Variants in ZCWPW2 observed in about 807,000 individuals in gnomAD.
The protein encoded by ZCWPW2 is zinc finger CW-type and PWWP domain containing 2.
In ZCWPW2, 45 loss-of-function variants were observed where a neutral mutation model predicts 46.6. The ratio of observed to expected loss-of-function variants is 0.96; its 90% CI spans 0.76 to 1.24. The LOEUF (loss-of-function observed/expected upper bound fraction) is 1.24. Among genes scored for constraint, ZCWPW2 ranks in the 50% most tolerant of loss-of-function variants. The probability of loss-of-function intolerance (pLI) is 0.00; values close to 1 mark genes in which losing one functional copy is unlikely to be tolerated. For synonymous variants in ZCWPW2, 152 were observed against 137.1 expected, an observed-to-expected ratio of 1.11 and a Z score of -0.76; for missense variants, 429 against 403.9, an observed-to-expected ratio of 1.06 and a Z score of -0.53.
chr3:28,362,536 C>T (rs1006747436), intron 1 of ZCWPW2, among the ~76,000 whole-genome samples: 2 of 152,090 alleles, frequency 1.3e-5, no homozygotes, highest in African/African-American at 4.8e-5. Context: ...CAATCTCCCA[C>T]CAGTCAGAAT....
intron 2 of ZCWPW2, among the ~76,000 whole-genome samples, chr3:28,405,984 T>C (rs1485667909): frequency 1.3e-5 from 2 of 152,216 alleles, no homozygotes; most frequent in Non-Finnish European, 2.9e-5. Flanking sequence ...ATCCTTGTTA[T>C]AATGTGGCAA....
intron 4 of ZCWPW2, among the ~76,000 whole-genome samples, chr3:28,453,564 T>G (rs1182865922): frequency 6.6e-6 from 1 of 151,958 alleles, no homozygotes. Flanking sequence ...TATTTTCTGT[T>G]AAAGAAAAAA....
At chr3:28,447,704 C>A (rs746633585) in intron 4 of ZCWPW2, 2 of 494,676 alleles carry the variant, frequency 4.0e-6, no homozygotes, top group East Asian at 7.3e-5. Flanking sequence ...CTTCCACGAA[C>A]GTTGTCTAGA....
rs1308951332 is a variant in ZCWPW2 at position 28,525,065 on chromosome 3, C to A, written c.*377C>A. 6.5e-6 allele frequency: 1 copy of A among 152,758 alleles called. No individual in the cohort carries two copies. The highest frequency in any genetic ancestry group is 2.4e-5 in the African/African-American group (1 of 41,406). 9.5% of individuals were successfully genotyped at this position (152,758 alleles called of 1,614,324 possible). A position where few individuals can be genotyped will look rare whatever the true frequency, so the allele number is the denominator to read the frequency against. On this transcript the variant is annotated 3_prime_UTR_variant, in exon 10 of 10. Coordinates refer to ENST00000383768, the MANE Select transcript of ZCWPW2 (RefSeq NM_001040432.4). Reference sequence around the variant, plus strand: ...GCTATTATAATTCTCAGAGGTAATTCAAATCTAATAAACTTAGAGAATGTA... The same window carrying A: ...GCTATTATAATTCTCAGAGGTAATTAAAATCTAATAAACTTAGAGAATGTA...
At chr3:28,451,126 G>A (rs1020129339) in intron 4 of ZCWPW2, among the ~76,000 whole-genome samples, 2 of 152,018 alleles carry the variant, frequency 1.3e-5, no homozygotes, top group African/African-American at 2.4e-5. Context: ...GGATCCTGAG[G>A]GACTGCATTC....
chr3:28,408,566 T>C (rs779692293), intron 2 of ZCWPW2, among the ~76,000 whole-genome samples: 14 of 152,202 alleles, frequency 9.2e-5, no homozygotes, highest in Non-Finnish European at 1.8e-4. Flanking sequence ...ATAATAGTAA[T>C]TGTAAATGAG....
chr3:28,498,893 T>C (rs977435783), intron 6 of ZCWPW2, among the ~76,000 whole-genome samples: 14 of 151,988 alleles, frequency 9.2e-5, no homozygotes, highest in Admixed American at 8.5e-4. Flanking sequence ...TGAGAACATG[T>C]GGTGTTTGGT....
chr3:28,390,486 T>C lies in ZCWPW2; in HGVS notation c.-133-12T>C. On this transcript the variant is annotated splice_polypyrimidine_tract_variant and intron_variant, in intron 1 of 9. Transcript: ENST00000383768. Reference sequence around the variant, plus strand: ...GTTTTAAATTTGCTAGATTGATGTATAACTTCTTCAGATTCATCCCAGTAG... The same window carrying C: ...GTTTTAAATTTGCTAGATTGATGTACAACTTCTTCAGATTCATCCCAGTAG... 1.0e-6 allele frequency: 1 copy of C among 985,328 alleles called. No individual in the cohort carries two copies. The highest frequency in any genetic ancestry group is 1.2e-6 in the Non-Finnish European group (1 of 829,848). The allele number at this position is 985,328 out of a possible 1,614,324, so 61.0% of individuals were successfully genotyped here.
intron 4 of ZCWPW2, among the ~76,000 whole-genome samples, chr3:28,446,755 C>G (rs962791452): frequency 6.9e-6 from 1 of 144,706 alleles, no homozygotes; most frequent in African/African-American, 2.9e-5. Flanking sequence ...ATCAATAAAA[C>G]TGTCAAACCT....
intron 6 of ZCWPW2, among the ~76,000 whole-genome samples, chr3:28,498,853 C>T (rs7427045): frequency 0.42 from 63,070 of 151,640 alleles, 13,357 homozygotes; most frequent in East Asian, 0.61. Context: ...CCTGTGTCCA[C>T]GTGTTCATTG....
At chr3:28,433,558 G>C (rs2125761569) in intron 3 of ZCWPW2, among the ~76,000 whole-genome samples, 1 of 152,256 alleles carries the variant, frequency 6.6e-6, no homozygotes, top group East Asian at 1.9e-4. Context: ...CTTGAGGTCA[G>C]GAGTTCGAGA....
At chr3:28,356,113 G>A (rs1004016874) in intron 1 of ZCWPW2, among the ~76,000 whole-genome samples, 1 of 152,190 alleles carries the variant, frequency 6.6e-6, no homozygotes, top group African/African-American at 2.4e-5. Flanking sequence ...CTGACAAAGG[G>A]CTAATATCCA....
chr3:28,435,244 T>G lies in ZCWPW2; in HGVS notation c.467T>G (p.Val156Gly). 1.2e-6 allele frequency: 2 copies of G among 1,613,020 alleles called. No individual in the cohort carries two copies. Among genetic ancestry groups the G allele is most frequent in the East Asian group, 2.2e-5 (1 of 44,814 alleles). ...HSRSWIKATFVGHYSITLKPE... is the reference protein window; with the variant it reads ...HSRSWIKATFGGHYSITLKPE... ...AGATCATGGATAAAGGCAACATTCG[T>G]TGGACATTATAGTATCACATTAAAG... is the stretch of plus-strand genomic sequence containing the variant. Residue 156 changes from valine (V) to glycine (G), a missense_variant, in exon 4 of 10, where the codon GTT (valine) becomes GGT (glycine). Val to Gly is a moderately radical substitution (Grantham distance 109). Transcript: ENST00000383768.
chr3:28,450,364 C>T (rs1434220903), intron 4 of ZCWPW2, among the ~76,000 whole-genome samples: 2 of 152,134 alleles, frequency 1.3e-5, no homozygotes, highest in African/African-American at 2.4e-5. Flanking sequence ...CTGAGCACAA[C>T]GTTGAGGTCA....
rs1559538678 is a variant in ZCWPW2, at chr3:28,520,989, T to TA, written c.785-2dup. The TA allele has an allele frequency of 6.2e-7, 1 of 1,613,480 alleles. No individual in the cohort carries two copies. Among genetic ancestry groups the TA allele is most frequent in the East Asian group, 2.2e-5 (1 of 44,766 alleles). On this transcript the variant is annotated splice_region_variant and splice_polypyrimidine_tract_variant and intron_variant, in intron 8 of 9. Coordinates refer to ENST00000383768, the MANE Select transcript of ZCWPW2 (RefSeq NM_001040432.4). The stretch of plus-strand genomic sequence containing the variant: ...TTTTACTGTATTAATCCTGTTTTTT[T>TA]AGTTGTCTGTGAGACGGAAGTTTTA...
At chr3:28,480,860 TTTTC>T (rs1462067757) in intron 5 of ZCWPW2, among the ~76,000 whole-genome samples, 85 of 130,696 alleles carry the variant, frequency 6.5e-4, no homozygotes, top group African/African-American at 2.1e-3. Flanking sequence ...TCCTCATTTT[TTTTC>T]TTTTTTTTTT....
At chr3:28,458,747 T>G (rs1381730658) in intron 4 of ZCWPW2, among the ~76,000 whole-genome samples, 1 of 152,206 alleles carries the variant, frequency 6.6e-6, no homozygotes, top group Non-Finnish European at 1.5e-5. Flanking sequence ...ATTGATCAAC[T>G]GTTGTTAATT....
chr3:28,358,825 T>C (rs991005010), intron 1 of ZCWPW2, among the ~76,000 whole-genome samples: 4 of 151,866 alleles, frequency 2.6e-5, no homozygotes, highest in African/African-American at 9.7e-5. Context: ...GAGGAATTTA[T>C]ATCTCATTTT....
rs1302010244 is a variant in ZCWPW2, at chr3:28,390,515, G to A, written c.-116G>A. ...TTCTTCAGATTCATCCCAGTAGAAC[G>A]CCTGCCTCTTTAGTGACTACAGACC... On this transcript the variant is annotated 5_prime_UTR_variant, in exon 2 of 10. Coordinates refer to ENST00000383768, the MANE Select transcript of ZCWPW2 (RefSeq NM_001040432.4). 3.8e-5 allele frequency: 37 copies of A among 985,102 alleles called. No individual in the cohort carries two copies. Among genetic ancestry groups the A allele is most frequent in the Admixed American group, 6.2e-5 (1 of 16,228 alleles). 61.0% of individuals were successfully genotyped at this position (985,102 alleles called of 1,614,324 possible). A position where few individuals can be genotyped will look rare whatever the true frequency, so the allele number is the denominator to read the frequency against.
Sources: gnomAD v4.1 joint callset for allele counts (sites outside exome capture counted in the v4.1 genomes callset) on GRCh38, gnomAD v4.1.1 for gene constraint, MANE v1.5 for transcripts, NCBI Gene and HGNC (gene_info 2026-07-23, HGNC 2026-07-21) for gene names.